Variants in ODAD2 observed in about 807,000 individuals in gnomAD.
The protein encoded by ODAD2 is outer dynein arm docking complex subunit 2.
ODAD2 carries 89 observed loss-of-function variants against 106.8 expected under a neutral mutation model. The observed-to-expected ratio is 0.83, with a 90% confidence interval of 0.70 to 0.99. The LOEUF is 0.99. ODAD2 is among the 50% of genes least tolerant of loss of function. The probability of loss-of-function intolerance (pLI) is 0.00; values close to 1 mark genes in which losing one functional copy is unlikely to be tolerated. For synonymous variants in ODAD2, 404 were observed against 436.2 expected (o/e 0.93, Z 0.92); for missense variants, 1,168 against 1,238.5 (o/e 0.94, Z 0.85).
chr10:27,935,200 G>A lies in ODAD2; in HGVS notation c.2305C>T (p.Pro769Ser). Residue 769 changes from proline (P) to serine (S), a missense_variant, in exon 16 of 20, where the codon CCT becomes TCT. Physicochemically the swap from Pro to Ser is moderately conservative, Grantham distance 74. This residue lies in a region of ODAD2 where 701 missense variants were observed against 712.3 expected (regional missense o/e 0.98). Transcript: ENST00000305242. Reference sequence around the variant, plus strand: ...ACCACATTCACAAGTACTTCTTCAGGCTGATCTGTTAGAAGTCCCACCAAG... The same window carrying A: ...ACCACATTCACAAGTACTTCTTCAGACTGATCTGTTAGAAGTCCCACCAAG... The part of the protein sequence containing the change: ...ETLVGLLTDQ[P>S]EEVLVNVVGA... The A allele has an allele frequency of 6.2e-7, 1 of 1,613,938 alleles. No homozygotes were observed. Among genetic ancestry groups the A allele is most frequent in the South Asian group, 1.1e-5 (1 of 91,074 alleles).
In ODAD2 at chr10:27,971,380, T is replaced by C. The variant is rs1848850348; in HGVS notation, c.937-67A>G. ...TTATCTAGTGTTCTCTGAAGATTAATGCCAGTGGTAAATTCAGGAAAGGAA... is the reference window on the plus strand; with the variant it reads ...TTATCTAGTGTTCTCTGAAGATTAACGCCAGTGGTAAATTCAGGAAAGGAA... On this transcript the variant is annotated intron_variant, in intron 7 of 19. Transcript: ENST00000305242. 3.8e-6 allele frequency: 5 copies of C among 1,326,998 alleles called. No individual in the cohort carries two copies. The South Asian group carries it at 4.6e-5, about 12-fold the overall frequency. The allele number at this position is 1,326,998 out of a possible 1,614,324, so 82.2% of individuals were successfully genotyped here.
chr10:27,916,481 G>A (rs187598963), intron 16 of ODAD2, among the ~76,000 whole-genome samples: 1 of 151,556 alleles, frequency 6.6e-6, no homozygotes, highest in African/African-American at 2.4e-5. Context: ...GTTGACCCTT[G>A]AATAACATGG....
chr10:27,840,736 A>AGTT, intron 19 of ODAD2, among the ~76,000 whole-genome samples: 1 of 152,326 alleles, frequency 6.6e-6, no homozygotes, highest in East Asian at 1.9e-4. Flanking sequence ...GAGAGATGGC[A>AGTT]GTTGGAAAAA....
In ODAD2 at chr10:27,940,604, G is replaced by T; in HGVS notation, c.1945C>A (p.Leu649Ile). The T allele has an allele frequency of 6.2e-7, 1 of 1,614,096 alleles. No homozygotes were observed. Among genetic ancestry groups the T allele is most frequent in the South Asian group, 1.1e-5 (1 of 91,080 alleles). ...TGCAATGTCCCCACCACTGGAATTA[G>T]CATGTTTTCATGAGAAGTCTTCAGC... ...RLLKTSHENM[L>I]IPVVGTLQEC... Residue 649 changes from leucine to isoleucine, a missense_variant, in exon 13 of 20, where the codon CTA becomes ATA. Physicochemically the swap from Leu to Ile is conservative, Grantham distance 5 (BLOSUM62 2). Coordinates refer to ENST00000305242, the MANE Select transcript of ODAD2 (RefSeq NM_018076.5).
intron 16 of ODAD2, among the ~76,000 whole-genome samples, chr10:27,922,193 A>C (rs1194452632): frequency 1.3e-5 from 2 of 151,622 alleles, no homozygotes; most frequent in Non-Finnish European, 2.9e-5. Context: ...GAAAAAAGAA[A>C]AAAAGAAAAG....
chr10:27,830,929 T>A (rs571576863), intron 19 of ODAD2, among the ~76,000 whole-genome samples: 1 of 152,240 alleles, frequency 6.6e-6, no homozygotes, highest in Non-Finnish European at 1.5e-5. Context: ...CTCTAGTACA[T>A]CTTTTGGATA....
chr10:27,938,057 C>A (rs1439287162), intron 14 of ODAD2, among the ~76,000 whole-genome samples: 4 of 152,090 alleles, frequency 2.6e-5, no homozygotes, highest in African/African-American at 9.7e-5. Flanking sequence ...AATTCTCGTG[C>A]CTCCACCTCC....
In ODAD2 at chr10:27,863,754, G is replaced by A. The variant is rs11597108; in HGVS notation, c.2611-1132C>T. Among the ~76,000 whole-genome samples the A allele has an allele frequency of 3.5e-3, 538 of 152,174 alleles. 3 individuals carry two copies. The highest frequency in any genetic ancestry group is 6.8e-3 in the Middle Eastern group (2 of 294). On this transcript the variant is annotated intron_variant, in intron 17 of 19. Transcript: ENST00000305242. ...CCTAAGGGACAAAAAGTTATCCAGC[G>A]TGAAAGGGATTCTGGTTGGACAAAT...
chr10:27,988,978 T>G (rs1247298822), intron 2 of ODAD2, among the ~76,000 whole-genome samples: 1 of 152,096 alleles, frequency 6.6e-6, no homozygotes, highest in Non-Finnish European at 1.5e-5. Context: ...GACAGGGATA[T>G]GCTGATGGAA....
chr10:27,875,755 C>T (rs928144544), intron 17 of ODAD2, among the ~76,000 whole-genome samples: 1 of 152,202 alleles, frequency 6.6e-6, no homozygotes, highest in Non-Finnish European at 1.5e-5. Flanking sequence ...GGCATTGCCT[C>T]ACCCAGGAAG....
At chr10:27,864,573 T>TGAGAGCGGGGAGTGAGGG (rs1840301583) in intron 17 of ODAD2, among the ~76,000 whole-genome samples, 4 of 132,306 alleles carry the variant, frequency 3.0e-5, no homozygotes, top group East Asian at 2.3e-4. Flanking sequence ...GGGAGTGAGG[T>TGAGAGCGGGGAGTGAGGG]GAGAATGGGG....
intron 2 of ODAD2, among the ~76,000 whole-genome samples, chr10:27,993,974 A>ATGTGTGTG (rs56017872): frequency 0.018 from 2,594 of 140,570 alleles, 33 homozygotes; most frequent in Middle Eastern, 0.043. Context: ...ATATATATAT[A>ATGTGTGTG]TGTGTGTGTG....
intron 10 of ODAD2, among the ~76,000 whole-genome samples, chr10:27,948,670 A>T (rs1847107308): frequency 6.6e-6 from 1 of 152,176 alleles, no homozygotes; most frequent in Non-Finnish European, 1.5e-5. Context: ...AGGGCTTTGA[A>T]AAATGCTTCC....
chr10:27,897,388 GA>G (rs1842927964), intron 17 of ODAD2, among the ~76,000 whole-genome samples: 1 of 152,072 alleles, frequency 6.6e-6, no homozygotes, highest in South Asian at 2.1e-4. Flanking sequence ...TTCCTCAGAC[GA>G]TGTTATTCCC....
intron 19 of ODAD2, among the ~76,000 whole-genome samples, chr10:27,852,585 A>G (rs1256708788): frequency 6.6e-6 from 1 of 152,224 alleles, no homozygotes; most frequent in East Asian, 1.9e-4. Flanking sequence ...TATTCAAATA[A>G]TCCAAGAGGA....
chr10:27,857,508 T>G (rs1564433700), intron 19 of ODAD2, among the ~76,000 whole-genome samples: 1 of 152,180 alleles, frequency 6.6e-6, no homozygotes, highest in Admixed American at 6.5e-5. Flanking sequence ...TAAAATTAAT[T>G]TCACTGTTTC....
chr10:27,857,217 T>A (rs922651476), intron 19 of ODAD2, among the ~76,000 whole-genome samples: 1 of 152,194 alleles, frequency 6.6e-6, no homozygotes, highest in Non-Finnish European at 1.5e-5. Context: ...ACCTTTATGA[T>A]GATCCACTTC....
At chr10:27,902,730 C>T (rs1843301891) in intron 17 of ODAD2, among the ~76,000 whole-genome samples, 1 of 152,186 alleles carries the variant, frequency 6.6e-6, no homozygotes. Context: ...CACATACACC[C>T]TCCCAAGTCT....
chr10:27,844,994 T>C (rs1039081995), intron 19 of ODAD2, among the ~76,000 whole-genome samples: 16 of 152,184 alleles, frequency 1.1e-4, no homozygotes, highest in Non-Finnish European at 2.1e-4. Flanking sequence ...TCCCAAGTGC[T>C]CCTGGATATT....
Sources: allele counts gnomAD v4.1 joint callset (sites outside exome capture counted in the v4.1 genomes callset), GRCh38; gene constraint gnomAD v4.1.1; regional missense constraint gnomAD v4.1.1; transcripts MANE v1.5; gene names NCBI Gene and HGNC (gene_info 2026-07-23, HGNC 2026-07-21).